MYO3A: variants seen among roughly 807,000 people sequenced by gnomAD.
MYO3A encodes myosin-IIIa.
In MYO3A, 180 loss-of-function variants were observed where a neutral mutation model predicts 192.7. The observed-to-expected ratio is 0.93, with a 90% CI of 0.83 to 1.06. MYO3A has a LOEUF of 1.06. Among genes scored for constraint, MYO3A ranks in the 50% least tolerant of loss-of-function variants. The pLI is 0.00. For synonymous variants in MYO3A, 628 were observed against 645.3 expected (o/e 0.97, Z 0.41); for missense variants, 1,896 against 1,905.0 (o/e 1.00, Z 0.09).
chr10:26,104,218 T>G (rs1390757577), intron 17 of MYO3A, among the ~76,000 whole-genome samples: 2 of 152,204 alleles, frequency 1.3e-5, no homozygotes, highest in Non-Finnish European at 2.9e-5. Flanking sequence ...TTATCTGTTT[T>G]TTCTTTTATT....
At chr10:26,042,949 C>T (rs1422954704) in intron 10 of MYO3A, among the ~76,000 whole-genome samples, 2 of 152,146 alleles carry the variant, frequency 1.3e-5, no homozygotes, top group African/African-American at 4.8e-5. Flanking sequence ...TTGTGCCTAT[C>T]TTTCTTGGGA....
At chr10:26,044,305 C>T (rs961116815) in intron 10 of MYO3A, among the ~76,000 whole-genome samples, 3 of 152,224 alleles carry the variant, frequency 2.0e-5, no homozygotes, top group Middle Eastern at 3.2e-3. Context: ...AGCAAACACT[C>T]CCTTAGCCCA....
chr10:26,027,123 A>G (rs768529988), intron 10 of MYO3A, among the ~76,000 whole-genome samples: 37 of 152,346 alleles, frequency 2.4e-4, no homozygotes, highest in East Asian at 1.3e-3. Context: ...TAAAAAAACC[A>G]TAAAACTTGA....
intron 17 of MYO3A, among the ~76,000 whole-genome samples, chr10:26,101,493 G>A (rs545819593): frequency 1.3e-4 from 20 of 152,206 alleles, no homozygotes; most frequent in Non-Finnish European, 2.6e-4. Context: ...TCCTAGCGTC[G>A]ATGGTCTTTA....
chr10:26,077,638 A>G (rs2131437433), intron 14 of MYO3A, among the ~76,000 whole-genome samples: 1 of 152,178 alleles, frequency 6.6e-6, no homozygotes, highest in South Asian at 2.1e-4. Flanking sequence ...TGGGTTTGTC[A>G]TAGATGGCTT....
intron 10 of MYO3A, among the ~76,000 whole-genome samples, chr10:26,050,890 C>G (rs1424489387): frequency 6.6e-6 from 1 of 152,210 alleles, no homozygotes; most frequent in Non-Finnish European, 1.5e-5. Context: ...GAAGTTACTC[C>G]TCTTAACAGG....
intron 14 of MYO3A, among the ~76,000 whole-genome samples, chr10:26,080,592 G>T (rs955139252): frequency 7.0e-6 from 1 of 143,174 alleles, no homozygotes; most frequent in Non-Finnish European, 1.5e-5. Flanking sequence ...AATTTTTTTG[G>T]GGGGAGGCGG....
intron 10 of MYO3A, among the ~76,000 whole-genome samples, chr10:26,041,240 A>G (rs1396978163): frequency 6.6e-6 from 1 of 152,006 alleles, no homozygotes; most frequent in Admixed American, 6.6e-5. Flanking sequence ...GTTGGCATAG[A>G]ATACCTCTTT....
chr10:25,954,261 T>C (rs1333305031), intron 3 of MYO3A, among the ~76,000 whole-genome samples: 1 of 152,146 alleles, frequency 6.6e-6, no homozygotes, highest in Non-Finnish European at 1.5e-5. Flanking sequence ...AATTGTTTCA[T>C]ATATATGCGA....
chr10:26,119,397 A>G (rs561039888), intron 17 of MYO3A, among the ~76,000 whole-genome samples: 1 of 152,340 alleles, frequency 6.6e-6, no homozygotes, highest in South Asian at 2.1e-4. Context: ...TGACTAGAAC[A>G]GTGCCTGGCA....
intron 14 of MYO3A, 66 bp from the exon 15 acceptor site, chr10:26,088,137 G>C (rs1836457509): frequency 2.4e-6 from 3 of 1,271,162 alleles, no homozygotes; most frequent in Non-Finnish European, 3.3e-6. Flanking sequence ...CCAAAGAAGA[G>C]ACATTTCATT....
intron 31 of MYO3A, among the ~76,000 whole-genome samples, chr10:26,184,942 A>G (rs920706646): frequency 2.6e-5 from 4 of 152,232 alleles, no homozygotes; most frequent in African/African-American, 4.8e-5. Flanking sequence ...TCACAGATCC[A>G]TTAGAGGCCA....
intron 18 of MYO3A, among the ~76,000 whole-genome samples, chr10:26,125,144 T>C (rs905615303): frequency 3.9e-5 from 6 of 152,220 alleles, no homozygotes; most frequent in Admixed American, 2.0e-4. Flanking sequence ...GCAGCTGTAT[T>C]ACTCTGCCAG....
Position 26,037,091 on chromosome 10 carries a change from T to G in MYO3A, c.953+10559T>G, listed in dbSNP as rs1204074915. 2.0e-5 allele frequency among the ~76,000 whole-genome samples: 3 copies of G among 152,200 alleles called. No homozygotes were observed. The East Asian group carries it at 5.8e-4, about 29-fold the overall frequency. Reference sequence around the variant, plus strand: ...TCTCTTAGACACAGTTACAACCTGTTTATAAAATGAGGACACCAATAACAC... The same window carrying G: ...TCTCTTAGACACAGTTACAACCTGTGTATAAAATGAGGACACCAATAACAC... On this transcript the variant is annotated intron_variant, in intron 10 of 34. Transcript: ENST00000642920.
At chr10:26,097,306 C>T (rs1021915503) in intron 17 of MYO3A, among the ~76,000 whole-genome samples, 1 of 152,144 alleles carries the variant, frequency 6.6e-6, no homozygotes, top group African/African-American at 2.4e-5. Flanking sequence ...GTTTCTCTCA[C>T]TTAGCATGTT....
At chr10:26,113,084 G>C (rs968850909) in intron 17 of MYO3A, among the ~76,000 whole-genome samples, 4 of 152,000 alleles carry the variant, frequency 2.6e-5, no homozygotes, top group Non-Finnish European at 5.9e-5. Flanking sequence ...TATGTCTTTA[G>C]GGAAGATCAA....
rs767766096 is a variant in MYO3A, at chr10:26,193,190, T to C, written c.4439-15T>C. 4 of 1,564,600 alleles carry C rather than the reference T, an allele frequency of 2.6e-6. No individual in the cohort carries two copies. Among genetic ancestry groups the C allele is most frequent in the Non-Finnish European group, 2.6e-6 (3 of 1,135,196 alleles). ...TTTGTAATTAAATACTTGTTTATGA[T>C]CACCTTTCTTATAGGTGTCTGTAAA... On this transcript the variant is annotated splice_polypyrimidine_tract_variant and intron_variant, in intron 31 of 34. Coordinates refer to ENST00000642920, the MANE Select transcript of MYO3A (RefSeq NM_017433.5).
chr10:26,121,037 A>C (rs1838832052), intron 18 of MYO3A, among the ~76,000 whole-genome samples: 1 of 152,030 alleles, frequency 6.6e-6, no homozygotes, highest in Non-Finnish European at 1.5e-5. Flanking sequence ...TTTTACAACT[A>C]TTTTGGGAGC....
chr10:26,110,314 C>G (rs749934270), intron 17 of MYO3A, among the ~76,000 whole-genome samples: 2 of 152,154 alleles, frequency 1.3e-5, no homozygotes, highest in African/African-American at 2.4e-5. Flanking sequence ...GAATGAGCCC[C>G]TTCTCTCTCA....
Sources: gnomAD v4.1 joint callset for allele counts (sites outside exome capture counted in the v4.1 genomes callset) on GRCh38, gnomAD v4.1.1 for gene constraint, MANE v1.5 for transcripts, NCBI Gene and HGNC (gene_info 2026-07-23, HGNC 2026-07-21) for gene names.